FHOD3: variants seen among roughly 807,000 people sequenced by gnomAD.
FHOD3 encodes the protein formin homology 2 domain containing 3.
FHOD3 carries 90 observed loss-of-function variants against 173.0 expected under a neutral mutation model. The observed-to-expected ratio is 0.52, with a 90% confidence interval of 0.44 to 0.62. The LOEUF (loss-of-function observed/expected upper bound fraction) is 0.62. Among genes scored for constraint, FHOD3 ranks in the 20% least tolerant of loss-of-function variants. FHOD3 has a pLI of 0.00. For synonymous variants in FHOD3, 828 were observed against 823.0 expected (o/e 1.01, Z -0.10); for missense variants, 1,945 against 2,034.7 (o/e 0.96, Z 0.85).
intron 20 of FHOD3, among the ~76,000 whole-genome samples, chr18:36,731,642 ATCT>A (rs535989660): frequency 4.2e-4 from 64 of 152,168 alleles, no homozygotes; most frequent in Non-Finnish European, 6.5e-4. Flanking sequence ...ATTGGGGTTC[ATCT>A]TCTTGTTTGA....
At chr18:36,665,065 C>T (rs139504100) in intron 14 of FHOD3, among the ~76,000 whole-genome samples, 2 of 152,254 alleles carry the variant, frequency 1.3e-5, no homozygotes, top group African/African-American at 4.8e-5. Context: ...TGCATTCCAG[C>T]CTGGGTGACA....
chr18:36,657,320 T>C (rs1175996315), intron 13 of FHOD3, among the ~76,000 whole-genome samples: 1 of 152,216 alleles, frequency 6.6e-6, no homozygotes, highest in African/African-American at 2.4e-5. Flanking sequence ...CAAATAATGA[T>C]TTGTTTTCTG....
chr18:36,508,284 A>G (rs2055419601), intron 4 of FHOD3, among the ~76,000 whole-genome samples: 1 of 151,936 alleles, frequency 6.6e-6, no homozygotes, highest in Non-Finnish European at 1.5e-5. Flanking sequence ...TTTTTTTTAA[A>G]AAAAGCTAGA....
At chr18:36,391,599 C>A (rs1017073345) in intron 3 of FHOD3, among the ~76,000 whole-genome samples, 1 of 152,152 alleles carries the variant, frequency 6.6e-6, no homozygotes, top group East Asian at 1.9e-4. Flanking sequence ...ACCAGACATG[C>A]CTGGCTGAGC....
At chr18:36,317,058 CT>C (rs1470423580) in intron 1 of FHOD3, among the ~76,000 whole-genome samples, 2 of 152,158 alleles carry the variant, frequency 1.3e-5, no homozygotes, top group Non-Finnish European at 2.9e-5. Flanking sequence ...TGAACTCATC[CT>C]TTTTTATGGC....
intron 10 of FHOD3, among the ~76,000 whole-genome samples, chr18:36,633,858 A>G (rs1322355285): frequency 6.6e-6 from 1 of 152,184 alleles, no homozygotes; most frequent in Non-Finnish European, 1.5e-5. Context: ...CTGAAATCAT[A>G]CTTACTGATT....
intron 28 of FHOD3, among the ~76,000 whole-genome samples, chr18:36,775,268 C>T (rs1442858579): frequency 1.3e-5 from 2 of 152,184 alleles, no homozygotes; most frequent in African/African-American, 4.8e-5. Flanking sequence ...CAAAAAAACC[C>T]CGAAATAACA....
intron 5 of FHOD3, among the ~76,000 whole-genome samples, chr18:36,529,014 A>G (rs2056660118): frequency 1.3e-5 from 2 of 152,218 alleles, no homozygotes; most frequent in Admixed American, 1.3e-4. Flanking sequence ...GACCCCAAGC[A>G]GATATCACTA....
intron 23 of FHOD3, among the ~76,000 whole-genome samples, chr18:36,745,610 G>A (rs896576535): frequency 2.0e-5 from 3 of 152,050 alleles, no homozygotes; most frequent in African/African-American, 7.2e-5. Context: ...AGTCCCCTGT[G>A]GGCTTCAGAA....
chr18:36,607,936 A>G (rs1395453816), intron 8 of FHOD3, among the ~76,000 whole-genome samples: 1 of 152,162 alleles, frequency 6.6e-6, no homozygotes, highest in African/African-American at 2.4e-5. Context: ...ATTTCTACCA[A>G]CCACTTCAGC....
chr18:36,348,633 GA>G (rs2045977496), intron 1 of FHOD3, among the ~76,000 whole-genome samples: 1 of 152,152 alleles, frequency 6.6e-6, no homozygotes, highest in African/African-American at 2.4e-5. Flanking sequence ...TCCTGTGTGG[GA>G]GGGTCCTTGG....
chr18:36,509,146 C>CA (rs2055478636), intron 4 of FHOD3, among the ~76,000 whole-genome samples: 1 of 152,102 alleles, frequency 6.6e-6, no homozygotes, highest in Admixed American at 6.5e-5. Flanking sequence ...CTTCAACACA[C>CA]AAATTCCAAC....
intron 3 of FHOD3, among the ~76,000 whole-genome samples, chr18:36,473,711 T>C (rs2053408800): frequency 6.6e-6 from 1 of 152,240 alleles, no homozygotes; most frequent in South Asian, 2.1e-4. Context: ...CCACACTGAC[T>C]CAGTGTAAGA....
intron 1 of FHOD3, 27 bp downstream of exon 1, chr18:36,298,027 C>T (rs767479764): frequency 1.4e-6 from 2 of 1,480,184 alleles, no homozygotes; most frequent in Non-Finnish European, 1.8e-6. Flanking sequence ...TGGGCTGGGC[C>T]CCCTGGACTC....
At chr18:36,485,780 C>A (rs936946764) in intron 3 of FHOD3, among the ~76,000 whole-genome samples, 1 of 152,160 alleles carries the variant, frequency 6.6e-6, no homozygotes, top group Non-Finnish European at 1.5e-5. Flanking sequence ...ATTAACTATT[C>A]CAGAAGTCAG....
intron 19 of FHOD3, among the ~76,000 whole-genome samples, chr18:36,727,903 T>C (rs922436490): frequency 4.6e-5 from 7 of 152,182 alleles, no homozygotes; most frequent in Admixed American, 4.6e-4. Flanking sequence ...CTGGCTGGGC[T>C]CCTAGAGTGA....
chr18:36,458,890 C>T lies in FHOD3; in HGVS notation c.338-43042C>T, dbSNP rs897513558. Among the ~76,000 whole-genome samples the T allele has an allele frequency of 2.6e-5, 4 of 152,274 alleles. No individual in the cohort carries two copies. The East Asian group carries it at 5.8e-4, about 22-fold the overall frequency. The stretch of plus-strand genomic sequence containing the variant: ...GTATTTTTGAGCTGTGTAATTATTT[C>T]TGCACGTATCCTTTCACACATTTTT... On this transcript the variant is annotated intron_variant, in intron 3 of 28. Transcript: ENST00000590592.
At chr18:36,380,618 C>A (rs1438712999) in intron 3 of FHOD3, among the ~76,000 whole-genome samples, 1 of 141,710 alleles carries the variant, frequency 7.1e-6, no homozygotes, top group Non-Finnish European at 1.5e-5. Flanking sequence ...CTTTCCTTTC[C>A]TTTCCTTTCC....
chr18:36,423,295 C>A (rs1006785008), intron 3 of FHOD3, among the ~76,000 whole-genome samples: 18 of 152,048 alleles, frequency 1.2e-4, no homozygotes, highest in African/African-American at 4.4e-4. Context: ...CATTGGAGAT[C>A]AGATTGGGTT....
Sources: gnomAD v4.1 joint callset for allele counts (sites outside exome capture counted in the v4.1 genomes callset) on GRCh38, gnomAD v4.1.1 for gene constraint, MANE v1.5 for transcripts, NCBI Gene and HGNC (gene_info 2026-07-23, HGNC 2026-07-21) for gene names.